LRRC28: variants seen among roughly 807,000 people sequenced by gnomAD.
LRRC28 encodes leucine-rich repeat-containing protein 28.
A neutral mutation model predicts 45.7 loss-of-function variants in LRRC28; 39 were observed. That is an observed-to-expected ratio of 0.85 (90% CI 0.66 to 1.12). The LOEUF is 1.12. Among genes scored for constraint, LRRC28 ranks in the 50% most tolerant of loss-of-function variants. The probability of loss-of-function intolerance (pLI) is 0.00; values close to 1 mark genes in which losing one functional copy is unlikely to be tolerated. For synonymous variants in LRRC28, 206 were observed against 178.8 expected (o/e 1.15, Z -1.22); for missense variants, 435 against 438.5 (o/e 0.99, Z 0.07).
At chr15:99,266,500 A>G (rs1372206935) in intron 2 of LRRC28, among the ~76,000 whole-genome samples, 1 of 152,168 alleles carries the variant, frequency 6.6e-6, no homozygotes, top group Non-Finnish European at 1.5e-5. Context: ...ACCTAGTGTT[A>G]AGGATAATTA....
intron 9 of LRRC28, chr15:99,384,842 T>A (rs1957934078): frequency 6.6e-6 from 1 of 152,248 alleles, no homozygotes; most frequent in Non-Finnish European, 1.5e-5. Context: ...GATGAGCTGC[T>A]TCGTTGGGCC....
At chr15:99,257,682 T>C in intron 2 of LRRC28, 1 of 756,388 alleles carries the variant, frequency 1.3e-6, no homozygotes, top group Non-Finnish European at 2.5e-6. Context: ...GACCTTCGGG[T>C]CGGTCAGAGC....
At chr15:99,306,211 G>A (rs1189383802) in intron 5 of LRRC28, among the ~76,000 whole-genome samples, 1 of 152,146 alleles carries the variant, frequency 6.6e-6, no homozygotes, top group Non-Finnish European at 1.5e-5. Context: ...TTGCCCACTC[G>A]GTTTCCTAAT....
At chr15:99,349,389 G>A (rs1956799976) in intron 6 of LRRC28, among the ~76,000 whole-genome samples, 1 of 151,950 alleles carries the variant, frequency 6.6e-6, no homozygotes, top group African/African-American at 2.4e-5. Flanking sequence ...ATTATTAGCT[G>A]TACTTTTTAT....
At chr15:99,267,811 C>T (rs368348437) in intron 2 of LRRC28, among the ~76,000 whole-genome samples, 1 of 152,118 alleles carries the variant, frequency 6.6e-6, no homozygotes, top group East Asian at 1.9e-4. Flanking sequence ...TTACTGATTC[C>T]TTGTCAGTAA....
chr15:99,297,316 T>C (rs1410673584), intron 5 of LRRC28: 1 of 152,128 alleles, frequency 6.6e-6, no homozygotes, highest in Non-Finnish European at 1.5e-5. Context: ...GCAGTAATCG[T>C]AGCTCACTGC....
chr15:99,296,082 C>A (rs929563626), intron 5 of LRRC28, among the ~76,000 whole-genome samples: 5 of 152,194 alleles, frequency 3.3e-5, no homozygotes, highest in African/African-American at 1.2e-4. Flanking sequence ...TCCTCTAGGG[C>A]TTCTGCTGTT....
chr15:99,255,683 A>C (rs1046849317), intron 1 of LRRC28, among the ~76,000 whole-genome samples: 89 of 152,188 alleles, frequency 5.8e-4, no homozygotes, highest in Non-Finnish European at 1.0e-4. Context: ...ATAAGTAATA[A>C]ATATTGCTTA....
chr15:99,278,348 A>G (rs2081678221), intron 3 of LRRC28, among the ~76,000 whole-genome samples: 1 of 152,218 alleles, frequency 6.6e-6, no homozygotes, highest in Admixed American at 6.5e-5. Flanking sequence ...TCCCAGGTTC[A>G]AGCAATTCTC....
At chr15:99,330,061 T>G (rs1956111608) in intron 5 of LRRC28, among the ~76,000 whole-genome samples, 2 of 152,182 alleles carry the variant, frequency 1.3e-5, no homozygotes. Flanking sequence ...CTTTATAAAA[T>G]AAATACATGT....
At chr15:99,290,519 ATG>A (rs1305719545) in intron 5 of LRRC28, among the ~76,000 whole-genome samples, 1 of 152,226 alleles carries the variant, frequency 6.6e-6, no homozygotes, top group Non-Finnish European at 1.5e-5. Context: ...TGCCTAGAAA[ATG>A]TATCAGTAAA....
At chr15:99,258,305 G>A (rs2081086878) in intron 2 of LRRC28, 1 of 1,513,138 alleles carries the variant, frequency 6.6e-7, no homozygotes, top group East Asian at 2.3e-5. Flanking sequence ...TGAATCCAAT[G>A]AATATTCTGT....
At chr15:99,374,225 A>G (rs1312576490) in intron 9 of LRRC28, among the ~76,000 whole-genome samples, 10 of 152,208 alleles carry the variant, frequency 6.6e-5, no homozygotes, top group Non-Finnish European at 1.2e-4. Context: ...TTTCTAATGT[A>G]TGAACATGAT....
chr15:99,270,244 G>A (rs1295823012), intron 2 of LRRC28, among the ~76,000 whole-genome samples: 4 of 152,148 alleles, frequency 2.6e-5, no homozygotes, highest in African/African-American at 9.7e-5. Context: ...GACTTCATTA[G>A]CTTTTTAAAA....
chr15:99,260,525 T>C (rs78527423), intron 2 of LRRC28, among the ~76,000 whole-genome samples: 1,754 of 152,368 alleles, frequency 0.012, 31 homozygotes, highest in African/African-American at 0.04. Flanking sequence ...CAAAGAACTT[T>C]GTAAACTATA....
At chr15:99,261,630 A>ATTAATT (rs1488554547) in intron 2 of LRRC28, among the ~76,000 whole-genome samples, 4 of 151,782 alleles carry the variant, frequency 2.6e-5, no homozygotes, top group Non-Finnish European at 5.9e-5. Flanking sequence ...CACCTCTTTT[A>ATTAATT]TTAATTTTAA....
intron 7 of LRRC28, among the ~76,000 whole-genome samples, chr15:99,357,805 A>T (rs73464669): frequency 0.059 from 9,005 of 152,124 alleles, 928 homozygotes; most frequent in African/African-American, 0.21. Flanking sequence ...GAAACTTTTG[A>T]TGATTTTGTA....
At chr15:99,314,438 TAAA>T (rs1567654373) in intron 5 of LRRC28, among the ~76,000 whole-genome samples, 24 of 69,216 alleles carry the variant, frequency 3.5e-4, no homozygotes, top group African/African-American at 7.8e-4. Context: ...ACCTTGTCTC[TAAA>T]TAAATAAATA....
intron 3 of LRRC28, among the ~76,000 whole-genome samples, chr15:99,281,162 G>A (rs956621981): frequency 2.0e-5 from 3 of 152,074 alleles, no homozygotes; most frequent in Admixed American, 6.5e-5. Context: ...CAAGTAGCTA[G>A]AAGTACAGGC....
Sources: allele counts gnomAD v4.1 joint callset (sites outside exome capture counted in the v4.1 genomes callset), GRCh38; gene constraint gnomAD v4.1.1; transcripts MANE v1.5; gene names NCBI Gene and HGNC (gene_info 2026-07-23, HGNC 2026-07-21).